The following MAGI2 variants were observed in gnomAD, a reference collection of about 807,000 sequenced individuals.
MAGI2 encodes membrane-associated guanylate kinase, WW and PDZ domain-containing protein 2.
Under a neutral mutation model 133.3 loss-of-function variants are expected in MAGI2, and 35 were observed. The observed-to-expected ratio is 0.26, with a 90% CI of 0.20 to 0.35. The LOEUF is 0.35. Among genes scored for constraint, MAGI2 ranks in the 10% least tolerant of loss-of-function variants. The pLI, the probability that MAGI2 is intolerant of heterozygous loss-of-function variation, is 1.00. For missense variants in MAGI2, 1,636 were observed against 1,863.4 expected (o/e 0.88, Z 2.25); for synonymous variants, 729 against 710.6 (o/e 1.03, Z -0.41).
rs971225541 is a variant in MAGI2, at chr7:78,208,944, C to T, written c.2048-7751G>A. Among the ~76,000 whole-genome samples the T allele has an allele frequency of 1.3e-4, 19 of 151,640 alleles. No homozygotes were observed. The East Asian group carries it at 1.4e-3, about 11-fold the overall frequency. On this transcript the variant is annotated intron_variant, in intron 10 of 21. Transcript: ENST00000354212. Reference sequence around the variant, plus strand: ...TGAGGTTTTAAGACAGGAACCTGGCCGGGCGCGGTGGCTCACGCCTGTAAT... The same window carrying T: ...TGAGGTTTTAAGACAGGAACCTGGCTGGGCGCGGTGGCTCACGCCTGTAAT...
intron 2 of MAGI2, among the ~76,000 whole-genome samples, chr7:78,839,287 C>T (rs895733947): frequency 1.3e-5 from 2 of 152,082 alleles, no homozygotes; most frequent in Non-Finnish European, 2.9e-5. Context: ...ACATTTCTAA[C>T]ATGGACTTAG....
chr7:78,769,889 C>G (rs549448637), intron 2 of MAGI2, among the ~76,000 whole-genome samples: 10 of 152,264 alleles, frequency 6.6e-5, no homozygotes, highest in Admixed American at 4.6e-4. Flanking sequence ...TGCTTCCCCC[C>G]ATTTCCTCTT....
chr7:78,136,119 C>T (rs55806751), intron 16 of MAGI2, among the ~76,000 whole-genome samples: 39,172 of 141,802 alleles, frequency 0.28, 5,008 homozygotes, highest in African/African-American at 0.34. Context: ...TTTCTTTCTT[C>T]TTTTTTTTTT....
intron 2 of MAGI2, among the ~76,000 whole-genome samples, chr7:78,649,636 C>T (rs1445473542): frequency 6.6e-6 from 1 of 151,272 alleles, no homozygotes; most frequent in Non-Finnish European, 1.5e-5. Context: ...CAAAAAATTT[C>T]TTTTTTTTTA....
intron 1 of MAGI2, among the ~76,000 whole-genome samples, chr7:79,076,056 A>G (rs942463051): frequency 2.0e-5 from 3 of 152,222 alleles, no homozygotes; most frequent in African/African-American, 7.2e-5. Flanking sequence ...ATCTCGTTAT[A>G]CTTAAGGGTG....
chr7:79,304,400 T>C (rs1837629578), intron 1 of MAGI2, among the ~76,000 whole-genome samples: 1 of 139,522 alleles, frequency 7.2e-6, no homozygotes, highest in Non-Finnish European at 1.6e-5. Flanking sequence ...GCTCCTTATA[T>C]TACAGTTTTT....
chr7:78,831,428 TTC>T (rs993021560), intron 2 of MAGI2, among the ~76,000 whole-genome samples: 3 of 151,630 alleles, frequency 2.0e-5, no homozygotes, highest in African/African-American at 7.3e-5. Context: ...TTGAGACAAA[TTC>T]TCTCTCTGTC....
intron 9 of MAGI2, among the ~76,000 whole-genome samples, chr7:78,282,754 T>C (rs1158643707): frequency 6.6e-6 from 1 of 152,120 alleles, no homozygotes; most frequent in Non-Finnish European, 1.5e-5. Context: ...TCAATCTGGA[T>C]TAAGATATTT....
chr7:78,630,072 C>T (rs1283579132), intron 2 of MAGI2, among the ~76,000 whole-genome samples: 4 of 151,750 alleles, frequency 2.6e-5, no homozygotes, highest in African/African-American at 9.7e-5. Flanking sequence ...AAAAGCAGAC[C>T]CTCATCACCA....
chr7:78,305,156 T>C (rs2151082572), intron 9 of MAGI2, among the ~76,000 whole-genome samples: 1 of 152,322 alleles, frequency 6.6e-6, no homozygotes, highest in Middle Eastern at 3.4e-3. Flanking sequence ...GACTTCACTA[T>C]TCGGAACCCC....
At chr7:78,683,115 G>GGA (rs941946041) in intron 2 of MAGI2, among the ~76,000 whole-genome samples, 2 of 152,130 alleles carry the variant, frequency 1.3e-5, no homozygotes, top group African/African-American at 4.8e-5. Context: ...ATGCAATGGT[G>GGA]ATAAAGTTGG....
chr7:78,830,771 A>C (rs1791074356), intron 2 of MAGI2, among the ~76,000 whole-genome samples: 1 of 152,184 alleles, frequency 6.6e-6, no homozygotes. Flanking sequence ...CAGAAAAGGG[A>C]TAAAGAGTTA....
rs60580466 is a variant in MAGI2 at position 78,853,332 on chromosome 7, C to CT, written c.418+153757dup. Among the ~76,000 whole-genome samples the CT allele has an allele frequency of 3.9e-3, 99 of 25,072 alleles. 42 individuals are homozygous for CT. The highest frequency in any genetic ancestry group is 0.013 in the African/African-American group (77 of 6,026). 16.4% of individuals were successfully genotyped at this position (25,072 alleles called of 152,430 possible). A position where few individuals can be genotyped will look rare whatever the true frequency, so the allele number is the denominator to read the frequency against. ...CTCATATTACTCTTGTCCATTCGTT[C>CT]TTTTTTTTTTTTTTTTTTTTTTTTT... is the stretch of plus-strand genomic sequence containing the variant. On this transcript the variant is annotated intron_variant, in intron 2 of 21. Coordinates refer to ENST00000354212, the MANE Select transcript of MAGI2 (RefSeq NM_012301.4).
chr7:78,614,953 A>G (rs912183613), intron 3 of MAGI2: 1 of 152,162 alleles, frequency 6.6e-6, no homozygotes, highest in Admixed American at 6.5e-5. Flanking sequence ...AGGAGAATCA[A>G]TAGCTATGCG....
At chr7:78,096,014 A>T (rs1424436020) in intron 20 of MAGI2, among the ~76,000 whole-genome samples, 2 of 152,214 alleles carry the variant, frequency 1.3e-5, no homozygotes, top group Non-Finnish European at 2.9e-5. Context: ...TTCTTCTTTA[A>T]GTCCTTATTA....
At chr7:78,042,890 A>G (rs1483252563) in intron 21 of MAGI2, among the ~76,000 whole-genome samples, 1 of 152,232 alleles carries the variant, frequency 6.6e-6, no homozygotes, top group East Asian at 1.9e-4. Context: ...GCCAGACCCC[A>G]CGACTCAGGG....
At chr7:78,666,646 G>A (rs1449695627) in intron 2 of MAGI2, among the ~76,000 whole-genome samples, 3 of 152,102 alleles carry the variant, frequency 2.0e-5, no homozygotes, top group Non-Finnish European at 4.4e-5. Flanking sequence ...GATGATACCT[G>A]GTAGCTTCAC....
chr7:78,644,237 A>G (rs1810607739), intron 2 of MAGI2, among the ~76,000 whole-genome samples: 1 of 152,134 alleles, frequency 6.6e-6, no homozygotes, highest in South Asian at 2.1e-4. Flanking sequence ...GAGAGATTTC[A>G]ACACTTCTCT....
At chr7:79,285,467 TCTG>T (rs1835932644) in intron 1 of MAGI2, among the ~76,000 whole-genome samples, 1 of 152,086 alleles carries the variant, frequency 6.6e-6, no homozygotes, top group Admixed American at 6.6e-5. Context: ...CACCTCAGTG[TCTG>T]ATGTTTGTCT....
Sources: gnomAD v4.1 joint callset for allele counts (sites outside exome capture counted in the v4.1 genomes callset) on GRCh38, gnomAD v4.1.1 for gene constraint, MANE v1.5 for transcripts, NCBI Gene and HGNC (gene_info 2026-07-23, HGNC 2026-07-21) for gene names.